The following CHD7 variants were observed in gnomAD, a reference collection of about 807,000 sequenced individuals.
CHD7 encodes the protein chromodomain helicase DNA binding protein 7, also known as ATP-dependent chromatin remodeler CHD7.
CHD7 carries 24 observed loss-of-function variants against 307.3 expected under a neutral mutation model. That is an observed-to-expected ratio of 0.08 (90% CI 0.06 to 0.11). CHD7 has a LOEUF of 0.11. Ranked by LOEUF, CHD7 falls within the 10% of genes least tolerant of loss-of-function variation. The pLI is 1.00. For synonymous variants in CHD7, 1,363 were observed against 1,349.9 expected (o/e 1.01, Z -0.21); for missense variants, 3,106 against 3,727.1 (o/e 0.83, Z 4.34).
chr8:60,680,442 G>C lies in CHD7; in HGVS notation c.-175+1360G>C, dbSNP rs1444996205. ...CGGCGGCGGCGGCGGCTCCCGGGCG[G>C]GGGTGGGGGCGCTGGTCGGGAGGCT... On this transcript the variant is annotated intron_variant, in intron 1 of 37. Coordinates refer to ENST00000423902, the MANE Select transcript of CHD7 (RefSeq NM_017780.4). Among the ~76,000 whole-genome samples, 5 of 145,462 alleles carry C rather than the reference G, an allele frequency of 3.4e-5. No individual in the cohort carries two copies. The East Asian group carries it at 8.1e-4, about 24-fold the overall frequency.
intron 1 of CHD7, among the ~76,000 whole-genome samples, chr8:60,689,747 A>G (rs1251343481): frequency 6.6e-6 from 1 of 152,218 alleles, no homozygotes; most frequent in African/African-American, 2.4e-5. Flanking sequence ...TATCAATGGC[A>G]GACATTTTCA....
intron 1 of CHD7, among the ~76,000 whole-genome samples, chr8:60,680,400 G>GGGGGGGGGC (rs1805549254): frequency 9.3e-5 from 1 of 10,734 alleles, no homozygotes; most frequent in Non-Finnish European, 1.7e-4. Flanking sequence ...CGAGGTCGCG[G>GGGGGGGGGC]GGGGGGGGGG....
chr8:60,818,983 G>A (rs1330965850), intron 8 of CHD7, among the ~76,000 whole-genome samples: 6 of 151,976 alleles, frequency 3.9e-5, no homozygotes, highest in Non-Finnish European at 8.8e-5. Context: ...ACGGAGTGTC[G>A]CCCTCTGTCA....
chr8:60,767,331 G>A (rs1810518795), intron 2 of CHD7, among the ~76,000 whole-genome samples: 4 of 152,184 alleles, frequency 2.6e-5, no homozygotes. Flanking sequence ...AGTGAAGAAG[G>A]TGAGGTAGAA....
intron 1 of CHD7, among the ~76,000 whole-genome samples, chr8:60,730,380 G>T (rs1190964500): frequency 3.9e-5 from 6 of 152,134 alleles, no homozygotes; most frequent in Non-Finnish European, 8.8e-5. Flanking sequence ...ATTTAATTTG[G>T]CTAAAAGATG....
chr8:60,688,308 T>C (rs145617751), intron 1 of CHD7, among the ~76,000 whole-genome samples: 144 of 147,088 alleles, frequency 9.8e-4, no homozygotes, highest in African/African-American at 3.4e-3. Flanking sequence ...GCACTCCAGC[T>C]AACATACTTG....
chr8:60,685,908 T>A (rs1017874380), intron 1 of CHD7, among the ~76,000 whole-genome samples: 1 of 152,198 alleles, frequency 6.6e-6, no homozygotes, highest in Non-Finnish European at 1.5e-5. Flanking sequence ...TATTTTTGTG[T>A]TTGCCAGCTA....
At position 60,743,176 on chromosome 8, in the gene CHD7, A is replaced by G. The variant is rs576801426; in HGVS notation, c.1665+79A>G. ...AACTTGTCTGATCGAATTTTTCTTT[A>G]AACTCTATGAAAAGCTTTTTCATTA... On this transcript the variant is annotated intron_variant, in intron 2 of 37. Transcript: ENST00000423902. 42 of 1,236,400 alleles carry G rather than the reference A, an allele frequency of 3.4e-5. No homozygotes were observed. In the African/African-American group the frequency reaches 6.1e-4, roughly 18 times the overall value. The allele number at this position is 1,236,400 out of a possible 1,614,324, so 76.6% of individuals were successfully genotyped here. A position where few individuals can be genotyped will look rare whatever the true frequency, so the allele number is the denominator to read the frequency against.
At chr8:60,824,281 C>T (rs775764553) in intron 13 of CHD7, 30 of 432,256 alleles carry the variant, frequency 6.9e-5, no homozygotes, top group Middle Eastern at 5.8e-4. Context: ...TTTGTTTTAC[C>T]CTTTGTTCAT....
At chr8:60,705,192 A>G (rs1286654241) in intron 1 of CHD7, among the ~76,000 whole-genome samples, 1 of 151,716 alleles carries the variant, frequency 6.6e-6, no homozygotes, top group Non-Finnish European at 1.5e-5. Context: ...CTCGGCCTGG[A>G]AGAGCATAGT....
chr8:60,765,880 A>G (rs941400870), intron 2 of CHD7, among the ~76,000 whole-genome samples: 22 of 152,364 alleles, frequency 1.4e-4, no homozygotes, highest in East Asian at 5.8e-4. Context: ...CCATGCAGAC[A>G]TGGAATCCTG....
At chr8:60,791,791 C>T (rs1350196077) in intron 3 of CHD7, among the ~76,000 whole-genome samples, 1 of 152,120 alleles carries the variant, frequency 6.6e-6, no homozygotes, top group Non-Finnish European at 1.5e-5. Context: ...GGGAGGAGTG[C>T]ACTGTGGGTC....
intron 2 of CHD7, among the ~76,000 whole-genome samples, chr8:60,753,540 CAA>C (rs1429049685): frequency 6.6e-6 from 1 of 152,092 alleles, no homozygotes; most frequent in African/African-American, 2.4e-5. Flanking sequence ...ATGAAGAAAA[CAA>C]ACAACAACAG....
chr8:60,790,935 G>A (rs753838505), intron 3 of CHD7, among the ~76,000 whole-genome samples: 4 of 152,128 alleles, frequency 2.6e-5, no homozygotes, highest in African/African-American at 7.2e-5. Context: ...AGTGGTGTCC[G>A]CGCAGGGTCT....
Position 60,803,060 on chromosome 8 carries a change from C to T in CHD7, c.2442+1467C>T, listed in dbSNP as rs569106970. Among the ~76,000 whole-genome samples, 4 of 152,226 alleles carry T rather than the reference C, an allele frequency of 2.6e-5. No homozygotes were observed. The East Asian group carries it at 7.7e-4, about 29-fold the overall frequency. ...TGATGAATTAAATTTCCCACCTGCTCAAGTAGGAAACAAGCACTATTTAAC... is the reference window on the plus strand; with the variant it reads ...TGATGAATTAAATTTCCCACCTGCTTAAGTAGGAAACAAGCACTATTTAAC... On this transcript the variant is annotated intron_variant, in intron 6 of 37. Coordinates refer to ENST00000423902, the MANE Select transcript of CHD7 (RefSeq NM_017780.4).
intron 1 of CHD7, among the ~76,000 whole-genome samples, chr8:60,701,524 C>T (rs1806759639): frequency 6.6e-6 from 1 of 152,186 alleles, no homozygotes; most frequent in Non-Finnish European, 1.5e-5. Context: ...TGTGGCCTCT[C>T]CACTTACACA....
At chr8:60,816,178 C>G (rs1291802284) in intron 7 of CHD7, among the ~76,000 whole-genome samples, 3 of 149,890 alleles carry the variant, frequency 2.0e-5, no homozygotes, top group Non-Finnish European at 4.4e-5. Flanking sequence ...GAGCTGGAGG[C>G]TTAGGACAGA....
chr8:60,817,117 A>G (rs1803786634), intron 8 of CHD7, among the ~76,000 whole-genome samples: 2 of 152,178 alleles, frequency 1.3e-5, no homozygotes, highest in African/African-American at 2.4e-5. Flanking sequence ...AGTCAATTAC[A>G]TTTTTTAAAA....
intron 13 of CHD7, among the ~76,000 whole-genome samples, chr8:60,826,571 T>A (rs2150756965): frequency 6.6e-6 from 1 of 152,328 alleles, no homozygotes; most frequent in South Asian, 2.1e-4. Flanking sequence ...TAGACTCAGT[T>A]GCGATGAAAA....
Sources: gnomAD v4.1 joint callset for allele counts (sites outside exome capture counted in the v4.1 genomes callset) on GRCh38, gnomAD v4.1.1 for gene constraint, MANE v1.5 for transcripts, NCBI Gene and HGNC (gene_info 2026-07-23, HGNC 2026-07-21) for gene names.